Variants in SCHIP1 observed in about 807,000 individuals in gnomAD.
SCHIP1 encodes the protein schwannomin interacting protein 1.
SCHIP1 carries 8 observed loss-of-function variants against 29.7 expected under a neutral mutation model. The observed-to-expected ratio is 0.27, with a 90% CI of 0.16 to 0.49. The LOEUF (loss-of-function observed/expected upper bound fraction) is 0.49. Ranked by LOEUF, SCHIP1 falls within the 20% of genes least tolerant of loss-of-function variation. SCHIP1 has a pLI of 0.99. For missense variants in SCHIP1, 193 were observed against 294.6 expected, an observed-to-expected ratio of 0.66 and a Z score of 2.52; for synonymous variants, 76 against 94.9, an observed-to-expected ratio of 0.80 and a Z score of 1.16.
At chr3:159,622,762 C>CA in the SCHIP1 span, among the ~76,000 whole-genome samples, 4 of 151,612 alleles carry the variant, frequency 2.6e-5, no homozygotes, top group Admixed American at 6.6e-5. Flanking sequence ...ACTAAAAATA[C>CA]AAAAAAATTA....
At chr3:159,748,294 T>C in the SCHIP1 span, among the ~76,000 whole-genome samples, 1 of 152,238 alleles carries the variant, frequency 6.6e-6, no homozygotes, top group Non-Finnish European at 1.5e-5. Flanking sequence ...TCACAGTATA[T>C]GTGTTTACTG....
At chr3:159,799,984 A>G in the SCHIP1 span, among the ~76,000 whole-genome samples, 1 of 152,174 alleles carries the variant, frequency 6.6e-6, no homozygotes, top group Non-Finnish European at 1.5e-5. Flanking sequence ...AGTCCTCCAG[A>G]TGAGAGATGA....
At chr3:159,740,066 T>C in the SCHIP1 span, among the ~76,000 whole-genome samples, 1 of 152,230 alleles carries the variant, frequency 6.6e-6, no homozygotes, top group Non-Finnish European at 1.5e-5. Flanking sequence ...TCGTCTCTCC[T>C]CATAGCCAAC....
chr3:159,376,119 C>T, the SCHIP1 span, among the ~76,000 whole-genome samples: 1 of 151,882 alleles, frequency 6.6e-6, no homozygotes, highest in African/African-American at 2.4e-5. Flanking sequence ...GATGAAAAGC[C>T]AAAAAGCCCT....
the SCHIP1 span, among the ~76,000 whole-genome samples, chr3:159,401,596 C>A: frequency 6.6e-6 from 1 of 152,096 alleles, no homozygotes; most frequent in African/African-American, 2.4e-5. Context: ...AGTACTATAA[C>A]CAGTACTTAA....
the SCHIP1 span, among the ~76,000 whole-genome samples, chr3:159,695,151 A>G: frequency 6.6e-6 from 1 of 152,204 alleles, no homozygotes; most frequent in Non-Finnish European, 1.5e-5. Flanking sequence ...TGCTGTCACT[A>G]GAGATCCTAT....
At chr3:159,705,869 G>T in the SCHIP1 span, among the ~76,000 whole-genome samples, 1 of 152,058 alleles carries the variant, frequency 6.6e-6, no homozygotes, top group Non-Finnish European at 1.5e-5. Flanking sequence ...ACCACATCCA[G>T]CTAATTTTTG....
At chr3:159,694,609 G>A in the SCHIP1 span, among the ~76,000 whole-genome samples, 205 of 140,482 alleles carry the variant, frequency 1.5e-3, no homozygotes, top group African/African-American at 5.4e-3. Flanking sequence ...AGAAAGAAAG[G>A]AATTATGACC....
the SCHIP1 span, among the ~76,000 whole-genome samples, chr3:159,431,824 G>A: frequency 1.3e-5 from 2 of 149,480 alleles, no homozygotes; most frequent in South Asian, 4.2e-4. Flanking sequence ...AAAAAAAAAA[G>A]TAGGTAAAAG....
chr3:159,662,033 C>T, the SCHIP1 span, among the ~76,000 whole-genome samples: 5 of 152,196 alleles, frequency 3.3e-5, no homozygotes, highest in Admixed American at 3.3e-4. Context: ...CATCCTGACT[C>T]ATCATGGTCA....
chr3:159,281,701 C>A, the SCHIP1 span, among the ~76,000 whole-genome samples: 1 of 151,928 alleles, frequency 6.6e-6, no homozygotes. Flanking sequence ...ACTTTTTTTT[C>A]AGTCAACACA....
the SCHIP1 span, among the ~76,000 whole-genome samples, chr3:159,471,574 A>G: frequency 1.3e-5 from 2 of 152,152 alleles, no homozygotes; most frequent in East Asian, 1.9e-4. Context: ...AACCATCTAA[A>G]ATATACATTA....
chr3:159,573,130 A>G, the SCHIP1 span, among the ~76,000 whole-genome samples: 3 of 152,108 alleles, frequency 2.0e-5, no homozygotes, highest in African/African-American at 7.2e-5. Context: ...TAATATTGTT[A>G]TATGTGAATT....
the SCHIP1 span, among the ~76,000 whole-genome samples, chr3:159,493,899 T>G: frequency 6.6e-6 from 1 of 151,784 alleles, no homozygotes; most frequent in Non-Finnish European, 1.5e-5. Flanking sequence ...TATAACAAAC[T>G]GTCTCTCAGA....
chr3:159,346,372 T>C, the SCHIP1 span, among the ~76,000 whole-genome samples: 4 of 151,808 alleles, frequency 2.6e-5, no homozygotes, highest in Non-Finnish European at 5.9e-5. Context: ...CACTCCTCCC[T>C]TTCTCTGTCC....
chr3:159,434,670 C>G, the SCHIP1 span, among the ~76,000 whole-genome samples: 1 of 152,164 alleles, frequency 6.6e-6, no homozygotes, highest in Admixed American at 6.6e-5. Context: ...TCCAGTAGAT[C>G]TACTTTAGAT....
At chr3:159,724,243 A>AT in the SCHIP1 span, among the ~76,000 whole-genome samples, 1 of 152,092 alleles carries the variant, frequency 6.6e-6, no homozygotes, top group South Asian at 2.1e-4. Context: ...TTTCTCATTG[A>AT]TTTAAAATAA....
At chr3:159,751,144 G>A in the SCHIP1 span, among the ~76,000 whole-genome samples, 7 of 152,156 alleles carry the variant, frequency 4.6e-5, no homozygotes, top group African/African-American at 9.7e-5. Context: ...TAAAAAGTAC[G>A]TATGCATTGT....
chr3:159,274,300 T>G, the SCHIP1 span: 3 of 984,606 alleles, frequency 3.0e-6, no homozygotes, highest in Non-Finnish European at 3.6e-6. Flanking sequence ...AGTGTTAAAC[T>G]TTTTCAATTT....
Sources: gnomAD v4.1 joint callset for allele counts (sites outside exome capture counted in the v4.1 genomes callset) on GRCh38, gnomAD v4.1.1 for gene constraint, MANE v1.5 for transcripts, NCBI Gene and HGNC (gene_info 2026-07-23, HGNC 2026-07-21) for gene names.